DSC1: variants seen among roughly 807,000 people sequenced by gnomAD.
DSC1 encodes desmocollin 1.
Under a neutral mutation model 98.8 loss-of-function variants are expected in DSC1, and 79 were observed. The ratio of observed to expected loss-of-function variants is 0.80; its 90% CI spans 0.67 to 0.96. The LOEUF is 0.96. DSC1 is among the 50% of genes least tolerant of loss of function. DSC1 has a pLI of 0.00. For synonymous variants in DSC1, 405 were observed against 372.1 expected, an observed-to-expected ratio of 1.09 and a Z score of -1.02; for missense variants, 1,115 against 1,075.9, an observed-to-expected ratio of 1.04 and a Z score of -0.51.
intron 4 of DSC1, among the ~76,000 whole-genome samples, chr18:31,155,570 C>A (rs749603284): frequency 6.6e-6 from 1 of 152,136 alleles, no homozygotes; most frequent in Non-Finnish European, 1.5e-5. Context: ...GCAGAGGTTG[C>A]GGTGAGCTGA....
intron 5 of DSC1, among the ~76,000 whole-genome samples, chr18:31,149,053 TTA>T (rs1324673794): frequency 3.9e-5 from 6 of 152,222 alleles, no homozygotes; most frequent in Non-Finnish European, 7.3e-5. Context: ...AGGAACTCAA[TTA>T]TATGTTTTTT....
chr18:31,160,445 C>T (rs1395635004), intron 1 of DSC1, among the ~76,000 whole-genome samples: 2 of 152,136 alleles, frequency 1.3e-5, no homozygotes, highest in Non-Finnish European at 2.9e-5. Context: ...GGACCCATTA[C>T]TTGCGAGGAG....
intron 6 of DSC1, among the ~76,000 whole-genome samples, chr18:31,147,261 T>C (rs1988865947): frequency 6.6e-6 from 1 of 152,142 alleles, no homozygotes; most frequent in Non-Finnish European, 1.5e-5. Flanking sequence ...TCCTTGAAAA[T>C]GTATTGAAAC....
intron 5 of DSC1, among the ~76,000 whole-genome samples, chr18:31,153,330 C>G (rs1487123537): frequency 6.6e-6 from 1 of 152,108 alleles, no homozygotes; most frequent in African/African-American, 2.4e-5. Context: ...GTAAAAGCAG[C>G]AGAGAACTTA....
rs1304423618 is a variant in DSC1, at chr18:31,134,665, G to T, written c.1783C>A (p.Pro595Thr). ...TTTTCAGGTCCATCTGGATCTACAG[G>T]TTTCAGAACAGCAAAATCCTCATTA... ...QNNEDFAVLKPVDPDGPENGP... is the reference protein window; with the variant it reads ...QNNEDFAVLKTVDPDGPENGP... Residue 595 changes from proline to threonine, a missense_variant, in exon 12 of 16, where the codon CCT (proline) becomes ACT (threonine). Pro to Thr is a conservative substitution (Grantham distance 38). Transcript: ENST00000257198. 3 of 1,612,894 alleles carry T rather than the reference G, an allele frequency of 1.9e-6. No individual in the cohort carries two copies. The highest frequency in any genetic ancestry group is 2.7e-5 in the African/African-American group (2 of 74,814).
intron 14 of DSC1, chr18:31,132,196 C>T: frequency 2.9e-6 from 1 of 350,080 alleles, no homozygotes; most frequent in Non-Finnish European, 5.3e-6. Context: ...GGAGAATCGC[C>T]ATATGAAGAT....
chr18:31,134,176 G>A (rs775591018), intron 12 of DSC1, 46 bp from the exon 13 acceptor site: 65 of 1,581,266 alleles, frequency 4.1e-5, no homozygotes, highest in African/African-American at 1.3e-5. Flanking sequence ...CTGTTTAGAT[G>A]GCAGTATTAT....
intron 1 of DSC1, among the ~76,000 whole-genome samples, chr18:31,161,099 T>C (rs1438739002): frequency 6.6e-6 from 1 of 152,162 alleles, no homozygotes; most frequent in Admixed American, 6.5e-5. Flanking sequence ...GTGTATAGTA[T>C]ATAGTATAGC....
chr18:31,131,813 T>A lies in DSC1; in HGVS notation c.2268A>T (p.Thr756=). 6.2e-7 allele frequency: 1 copy of A among 1,614,116 alleles called. No individual in the cohort carries two copies. The highest frequency in any genetic ancestry group is 1.7e-5 in the Admixed American group (1 of 59,998). ...TEANIRLPMQ[T]SNICDTSMSV... ...ACATGCTTGTGTCACAAATGTTGGATGTCTGCATGGGGAGTCTAATATTTG... is the reference window on the plus strand; with the variant it reads ...ACATGCTTGTGTCACAAATGTTGGAAGTCTGCATGGGGAGTCTAATATTTG... The change falls in exon 15 of 16, where the codon ACA becomes ACT. Residue 756 remains threonine, a synonymous_variant. Coordinates refer to ENST00000257198, the MANE Select transcript of DSC1 (RefSeq NM_024421.2).
In DSC1 at chr18:31,141,894, C is replaced by T. The variant is rs531569103; in HGVS notation, c.1260+105G>A. On this transcript the variant is annotated intron_variant, in intron 9 of 15. Transcript: ENST00000257198. ...TATAAACCAATATAAATCATTTGGC[C>T]TTGCACTGCAGTAGTCTAGTCATAT... 5 of 1,091,458 alleles carry T rather than the reference C, an allele frequency of 4.6e-6. No individual in the cohort carries two copies. The African/African-American group carries it at 8.2e-5, about 18-fold the overall frequency. 67.6% of individuals were successfully genotyped at this position (1,091,458 alleles called of 1,614,324 possible).
chr18:31,132,504 T>C (rs761007941), intron 14 of DSC1, 64 bp downstream of exon 14: 6 of 1,585,618 alleles, frequency 3.8e-6, no homozygotes, highest in African/African-American at 2.7e-5. Flanking sequence ...ATTGACATTG[T>C]TGAGTAATAA....
At position 31,140,087 on chromosome 18, in the gene DSC1, C is replaced by T; in HGVS notation, c.1475G>A (p.Gly492Glu). 1 of 1,613,950 alleles carries T rather than the reference C, an allele frequency of 6.2e-7. No individual in the cohort carries two copies. The highest frequency in any genetic ancestry group is 8.5e-7 in the Non-Finnish European group (1 of 1,179,920). ...DGFPAGQELL[G>E]YKALDPEISS... ...TATTTCCGGGTCCAGTGCTTTGTAT[C>T]CAAGGAGTTCTTGGCCAGCTGGGAA... The change falls in exon 10 of 16, where the codon GGA becomes GAA. Residue 492 changes from glycine to glutamate, a missense_variant. Transcript: ENST00000257198.
intron 11 of DSC1, 94 bp from the exon 12 acceptor site, chr18:31,134,878 A>G (rs1988577488): frequency 8.5e-7 from 1 of 1,182,686 alleles, no homozygotes; most frequent in Non-Finnish European, 1.2e-6. Flanking sequence ...GCTTTCTACT[A>G]GCTGTCTGAG....
chr18:31,131,929 C>T, intron 14 of DSC1, 87 bp from the exon 15 acceptor site: 2 of 1,436,374 alleles, frequency 1.4e-6, no homozygotes, highest in Non-Finnish European at 1.9e-6. Context: ...AGGCAAATCA[C>T]TTGCCTGCTG....
At chr18:31,151,002 C>T (rs995344165) in intron 5 of DSC1, 6 of 152,266 alleles carry the variant, frequency 3.9e-5, no homozygotes, top group African/African-American at 1.2e-4. Flanking sequence ...GATTCTATTG[C>T]ATCTCTTGTA....
intron 2 of DSC1, among the ~76,000 whole-genome samples, chr18:31,159,058 T>C (rs1209152623): frequency 1.1e-5 from 1 of 92,834 alleles, no homozygotes; most frequent in African/African-American, 4.0e-5. Flanking sequence ...TTTTTTTTTT[T>C]TTTTTTGAGA....
chr18:31,145,833 A>G, intron 6 of DSC1, 56 bp from the exon 7 acceptor site: 1 of 1,549,856 alleles, frequency 6.5e-7, no homozygotes, highest in South Asian at 1.2e-5. Context: ...TTGAATTATA[A>G]ACAAAATAAA....
chr18:31,142,969 C>A (rs1988766906), intron 8 of DSC1, among the ~76,000 whole-genome samples: 1 of 151,810 alleles, frequency 6.6e-6, no homozygotes, highest in Admixed American at 6.6e-5. Context: ...ATTACATGAA[C>A]ATGTCTATCA....
In DSC1 at chr18:31,130,702, A is replaced by G; in HGVS notation, c.2497T>C (p.Leu833=). The G allele has an allele frequency of 6.2e-7, 1 of 1,614,078 alleles. No individual in the cohort carries two copies. The highest frequency in any genetic ancestry group is 8.5e-7 in the Non-Finnish European group (1 of 1,179,990). ...TTATGCTCCTCATCTTGTCCACACAAATACACCTTCTGTATCAAAAAAGAG... is the reference window on the plus strand; with the variant it reads ...TTATGCTCCTCATCTTGTCCACACAGATACACCTTCTGTATCAAAAAAGAG... ...TQPRLGEKVY[L]CGQDEEHKHC... is the part of the protein sequence containing the mutation. Residue 833 remains leucine, a synonymous_variant, in exon 16 of 16, where the codon TTG becomes CTG. Transcript: ENST00000257198.
Sources: gnomAD v4.1 joint callset for allele counts (sites outside exome capture counted in the v4.1 genomes callset) on GRCh38, gnomAD v4.1.1 for gene constraint, MANE v1.5 for transcripts, NCBI Gene and HGNC (gene_info 2026-07-23, HGNC 2026-07-21) for gene names.